Variants in TJP2 observed in about 807,000 individuals in gnomAD.
TJP2 encodes tight junction protein 2, also known as Friedreich ataxia region gene X104 (tight junction protein ZO-2).
TJP2 carries 91 observed loss-of-function variants against 133.1 expected under a neutral mutation model. The ratio of observed to expected loss-of-function variants is 0.68; its 90% confidence interval spans 0.58 to 0.81. The LOEUF (loss-of-function observed/expected upper bound fraction) is 0.81. Ranked by LOEUF, TJP2 falls within the 40% of genes least tolerant of loss-of-function variation. TJP2 has a pLI of 0.00. For synonymous variants in TJP2, 592 were observed against 583.4 expected (o/e 1.01, Z -0.21); for missense variants, 1,541 against 1,565.6 (o/e 0.98, Z 0.26).
chr9:69,233,286 A>T (rs1829924743), intron 11 of TJP2, among the ~76,000 whole-genome samples: 1 of 152,216 alleles, frequency 6.6e-6, no homozygotes, highest in South Asian at 2.1e-4. Flanking sequence ...CACCCAACTA[A>T]GGATAAGTTT....
chr9:69,194,903 C>T (rs1175984486), intron 1 of TJP2, among the ~76,000 whole-genome samples: 1 of 152,156 alleles, frequency 6.6e-6, no homozygotes, highest in Admixed American at 6.5e-5. Context: ...ATAGGAAAGG[C>T]ATGTGTTTGA....
chr9:69,254,906 C>A lies in TJP2; in HGVS notation c.*532C>A, dbSNP rs1831591980. On this transcript the variant is annotated 3_prime_UTR_variant, in exon 23 of 23. Transcript: ENST00000377245. ...GCCATAATGGACTAAAACATTTTGA[C>A]TAAGTTTTTATACCAGCTTAATAGC... The A allele has an allele frequency of 2.7e-6, 1 of 370,900 alleles. No individual in the cohort carries two copies. The highest frequency in any genetic ancestry group is 2.1e-5 in the African/African-American group (1 of 48,234). The allele number at this position is 370,900 out of a possible 1,614,324, so 23.0% of individuals were successfully genotyped here. A position where few individuals can be genotyped will look rare whatever the true frequency, so the allele number is the denominator to read the frequency against.
chr9:69,190,224 G>T (rs1417270266), intron 1 of TJP2, among the ~76,000 whole-genome samples: 2 of 152,202 alleles, frequency 1.3e-5, no homozygotes, highest in East Asian at 1.9e-4. Flanking sequence ...CCTAGCTTGA[G>T]ATCAGGAGCA....
At chr9:69,252,400 A>G (rs562524246) in intron 21 of TJP2, among the ~76,000 whole-genome samples, 2 of 152,056 alleles carry the variant, frequency 1.3e-5, no homozygotes, top group Non-Finnish European at 2.9e-5. Flanking sequence ...TCCCACGTGA[A>G]ACTCCGTACC....
chr9:69,148,126 G>A (rs933263112), intron 1 of TJP2, among the ~76,000 whole-genome samples: 3 of 151,836 alleles, frequency 2.0e-5, no homozygotes, highest in Non-Finnish European at 1.5e-5. Context: ...GTTTCTCCAC[G>A]TTGGTCAGGG....
intron 13 of TJP2, among the ~76,000 whole-genome samples, chr9:69,236,467 A>G (rs1035930060): frequency 1.3e-5 from 2 of 152,134 alleles, no homozygotes; most frequent in Non-Finnish European, 2.9e-5. Context: ...CTGTTTGAAC[A>G]ACTTCCTAAG....
intron 1 of TJP2, among the ~76,000 whole-genome samples, chr9:69,135,593 A>G (rs1313593228): frequency 6.8e-6 from 1 of 146,018 alleles, no homozygotes; most frequent in Non-Finnish European, 1.5e-5. Flanking sequence ...GGCATGCACC[A>G]CCACACCTAG....
chr9:69,210,742 C>CTTTTTTTTTTTTTTTTTTTTTTTT (rs200516626), intron 1 of TJP2, among the ~76,000 whole-genome samples: 1 of 117,878 alleles, frequency 8.5e-6, no homozygotes. Context: ...ATTTTGAGTT[C>CTTTTTTTTTTTTTTTTTTTTTTTT]TTTTTTTTTT....
At position 69,251,031 on chromosome 9, in the gene TJP2, G is replaced by A. The variant is rs995250389; in HGVS notation, c.2992-4G>A. The A allele has an allele frequency of 9.9e-6, 16 of 1,613,742 alleles. No individual in the cohort carries two copies. Among genetic ancestry groups the A allele is most frequent in the Middle Eastern group, 1.6e-4 (1 of 6,084 alleles). On this transcript the variant is annotated splice_region_variant and splice_polypyrimidine_tract_variant and intron_variant, in intron 20 of 22. Transcript: ENST00000377245. The stretch of plus-strand genomic sequence containing the variant: ...GGGTGAAAACGTGTCATTGCTCTCC[G>A]CAGGCCAAAACCCAGAACAAAGAAG...
chr9:69,229,013 A>G (rs1829560758), intron 9 of TJP2, among the ~76,000 whole-genome samples, 171 bp from the exon 10 acceptor site: 1 of 152,212 alleles, frequency 6.6e-6, no homozygotes, highest in Non-Finnish European at 1.5e-5. Context: ...TTGAGAAACC[A>G]TTGGCACCTG....
intron 2 of TJP2, among the ~76,000 whole-genome samples, chr9:69,157,617 C>T (rs967633781): frequency 1.3e-5 from 2 of 152,054 alleles, no homozygotes; most frequent in African/African-American, 4.8e-5. Context: ...AGGCACACGC[C>T]ACCATGCCTA....
At chr9:69,201,975 G>A (rs1254356979) in intron 1 of TJP2, among the ~76,000 whole-genome samples, 1 of 152,148 alleles carries the variant, frequency 6.6e-6, no homozygotes, top group Non-Finnish European at 1.5e-5. Flanking sequence ...GAAATGGGGA[G>A]TTGTTTGATA....
intron 1 of TJP2, chr9:69,205,388 A>G: frequency 6.9e-7 from 1 of 1,439,374 alleles, no homozygotes; most frequent in East Asian, 2.5e-5. Context: ...TGTAGGTTGT[A>G]GTCACTGGTG....
At chr9:69,180,994 C>G (rs1825455237) in intron 1 of TJP2, among the ~76,000 whole-genome samples, 1 of 152,146 alleles carries the variant, frequency 6.6e-6, no homozygotes, top group Non-Finnish European at 1.5e-5. Context: ...TGATTTGGGG[C>G]AGGCTTGTTG....
intron 2 of TJP2, among the ~76,000 whole-genome samples, chr9:69,156,023 G>A (rs11145488): frequency 0.19 from 28,374 of 152,150 alleles, 2,726 homozygotes; most frequent in Middle Eastern, 0.23. Context: ...ATTCCATTGT[G>A]ACTCCTATAT....
chr9:69,175,819 A>C (rs896501109), intron 1 of TJP2, among the ~76,000 whole-genome samples: 1 of 152,116 alleles, frequency 6.6e-6, no homozygotes, highest in Non-Finnish European at 1.5e-5. Context: ...TTTCAGAACT[A>C]CTTCTGCAGT....
At chr9:69,138,755 T>A (rs925105603) in intron 1 of TJP2, among the ~76,000 whole-genome samples, 10 of 151,344 alleles carry the variant, frequency 6.6e-5, no homozygotes, top group Non-Finnish European at 1.3e-4. Flanking sequence ...CCATCTCTAC[T>A]CAAAATACAA....
At chr9:69,231,513 G>T (rs539731652) in intron 11 of TJP2, among the ~76,000 whole-genome samples, 10 of 152,056 alleles carry the variant, frequency 6.6e-5, no homozygotes, top group Non-Finnish European at 1.5e-4. Flanking sequence ...AAACTAAGGG[G>T]TCTGGTAGGG....
chr9:69,139,866 C>T (rs150335786), intron 1 of TJP2, among the ~76,000 whole-genome samples: 49 of 152,300 alleles, frequency 3.2e-4, no homozygotes, highest in African/African-American at 1.1e-3. Context: ...GGGCCCTATA[C>T]TGCCACAGAG....
Sources: allele counts gnomAD v4.1 joint callset (sites outside exome capture counted in the v4.1 genomes callset), GRCh38; gene constraint gnomAD v4.1.1; transcripts MANE v1.5; gene names NCBI Gene and HGNC (gene_info 2026-07-23, HGNC 2026-07-21).